Variants in ZNF157 observed in about 807,000 individuals in gnomAD.
The protein encoded by ZNF157 is zinc finger protein 157, also known as zinc finger protein 22.
Under a neutral mutation model 9.4 loss-of-function variants are expected in ZNF157, and 8 were observed. The observed-to-expected ratio is 0.85, with a 90% CI of 0.50 to 1.53. ZNF157 has a LOEUF of 1.53. Ranked by LOEUF, ZNF157 falls within the 40% of genes most tolerant of loss-of-function variation. The probability of loss-of-function intolerance (pLI) is 0.00; values close to 1 mark genes in which losing one functional copy is unlikely to be tolerated. For synonymous variants in ZNF157, 120 were observed against 130.8 expected, an observed-to-expected ratio of 0.92 and a Z score of 0.56; for missense variants, 316 against 385.2, an observed-to-expected ratio of 0.82 and a Z score of 1.50.
At chrX:47,407,699 C>CT (rs887091708) in intron 1 of ZNF157, among the ~76,000 whole-genome samples, 27 of 108,537 alleles carry the variant, frequency 2.5e-4, no homozygotes, top group East Asian at 1.7e-3. Context: ...TTCTTTTTTT[C>CT]TTTTTTTTTG....
Position 47,410,750 on chromosome X carries a change from G to C in ZNF157, c.270G>C (p.Glu90Asp). Reference sequence around the variant, plus strand: ...GAGAAGAGCTGTGGATATTAGAGGAGGAATCCTCAGGCCATGGTTACTCAG... The same window carrying C: ...GAGAAGAGCTGTGGATATTAGAGGACGAATCCTCAGGCCATGGTTACTCAG... ...ERGEELWILE[E>D]ESSGHGYSGS... Residue 90 changes from glutamate to aspartate, a missense_variant, in exon 3 of 4, where the codon GAG becomes GAC. By Grantham distance (45) the Glu-to-Asp change is conservative. Around this residue, in one of 3 missense-constraint regions of ZNF157, gnomAD observed 146 missense variants for 183.8 expected, o/e 0.79. Transcript: ENST00000377073. 8.3e-7 allele frequency: 1 copy of C among 1,205,356 alleles called. No individual in the cohort carries two copies. Among genetic ancestry groups the C allele is most frequent in the Non-Finnish European group, 1.1e-6 (1 of 892,256 alleles).
chrX:47,411,611 A>T (rs1482016521), intron 3 of ZNF157, among the ~76,000 whole-genome samples: 2 of 108,592 alleles, frequency 1.8e-5, no homozygotes, highest in Non-Finnish European at 3.8e-5. Context: ...CAAGTGATCC[A>T]CCTGCCATGG....
At chrX:47,378,276 G>T (rs1164939645) in intron 1 of ZNF157, among the ~76,000 whole-genome samples, 1 of 111,287 alleles carries the variant, frequency 9.0e-6, no homozygotes, top group South Asian at 3.8e-4. Context: ...CCAGTTTACG[G>T]ATCTGGGTGG....
chrX:47,373,937 T>C (rs6609485), intron 1 of ZNF157, among the ~76,000 whole-genome samples: 38,516 of 107,773 alleles, frequency 0.36, 5,550 homozygotes, highest in African/African-American at 0.49. Flanking sequence ...CTCAATCAAT[T>C]CTCTCTCCTT....
At chrX:47,398,846 A>G (rs1482841092) in intron 1 of ZNF157, among the ~76,000 whole-genome samples, 1 of 111,659 alleles carries the variant, frequency 9.0e-6, no homozygotes, top group African/African-American at 3.3e-5. Context: ...CATGCCCAGT[A>G]TTTTTAGTAG....
Position 47,397,318 on chromosome X carries a change from C to T in ZNF157, c.73-12958C>T, listed in dbSNP as rs192038804. Among the ~76,000 whole-genome samples the T allele has an allele frequency of 1.3e-3, 134 of 102,489 alleles. 1 individual carries two copies. Among genetic ancestry groups the T allele is most frequent in the African/African-American group, 4.4e-3 (124 of 27,965 alleles). 89.0% of individuals were successfully genotyped at this position (102,489 alleles called of 115,157 possible). A position where few individuals can be genotyped will look rare whatever the true frequency, so the allele number is the denominator to read the frequency against. On this transcript the variant is annotated intron_variant, in intron 1 of 3. Transcript: ENST00000377073. ...AGTGCAGTGATGTGATCTTAGCTAA[C>T]CACAACCTCCGCCTCCCAGGTTCAA...
At position 47,374,702 on chromosome X, in the gene ZNF157, CT is replaced by C. The variant is rs869212909; in HGVS notation, c.72+3984del. On this transcript the variant is annotated intron_variant, in intron 1 of 3. Coordinates refer to ENST00000377073, the MANE Select transcript of ZNF157 (RefSeq NM_003446.4). ...GGTGTGAGCCACCACGCCCAGCAAT[CT>C]TTTTTTTTTTTTTTTTTTTTTGTGA... Among the ~76,000 whole-genome samples, 59 of 56,673 alleles carry C rather than the reference CT, an allele frequency of 1.0e-3. 1 individual carries two copies. Among genetic ancestry groups the C allele is most frequent in the East Asian group, 5.8e-3 (11 of 1,901 alleles). The allele number at this position is 56,673 out of a possible 115,157, so 49.2% of individuals were successfully genotyped here.
chrX:47,406,944 A>G (rs1188580136), intron 1 of ZNF157, among the ~76,000 whole-genome samples: 1 of 112,264 alleles, frequency 8.9e-6, no homozygotes, highest in African/African-American at 3.2e-5. Flanking sequence ...TAGGGAAAGC[A>G]TTCAGTCTTT....
At chrX:47,372,418 C>T (rs1252721220) in intron 1 of ZNF157, among the ~76,000 whole-genome samples, 1 of 109,882 alleles carries the variant, frequency 9.1e-6, no homozygotes, top group African/African-American at 3.3e-5. Flanking sequence ...ACCCAGAGAG[C>T]GCATGAAGAC....
intron 3 of ZNF157, among the ~76,000 whole-genome samples, chrX:47,411,445 G>T (rs980711078): frequency 7.2e-5 from 8 of 110,633 alleles, no homozygotes; most frequent in African/African-American, 2.6e-4. Flanking sequence ...AACCTCACCT[G>T]CCCGGTTTAA....
intron 3 of ZNF157, among the ~76,000 whole-genome samples, chrX:47,411,709 G>T (rs1248916191): frequency 9.0e-6 from 1 of 110,831 alleles, no homozygotes; most frequent in Non-Finnish European, 1.9e-5. Flanking sequence ...GATGCTTTCT[G>T]TTATCAGGCA....
At position 47,413,104 on chromosome X, in the gene ZNF157, C is replaced by T. The variant is rs1247628225; in HGVS notation, c.1031C>T (p.Thr344Ile). 9.1e-6 allele frequency: 11 copies of T among 1,208,918 alleles called. No homozygotes were observed. Among genetic ancestry groups the T allele is most frequent in the African/African-American group, 1.8e-5 (1 of 57,077 alleles). ...GGGAAATTCTTCCGAATGAAGATGACTCTCAATAATCATCAAAGAACTCAC... is the reference window on the plus strand; with the variant it reads ...GGGAAATTCTTCCGAATGAAGATGATTCTCAATAATCATCAAAGAACTCAC... ...ECGKFFRMKMTLNNHQRTHTG... is the reference protein window; with the variant it reads ...ECGKFFRMKMILNNHQRTHTG... Residue 344 changes from threonine (T) to isoleucine (I), a missense_variant, in exon 4 of 4, where the codon ACT becomes ATT. Thr to Ile is a moderately conservative substitution (Grantham distance 89, BLOSUM62 -1). Around this residue, in one of 3 missense-constraint regions of ZNF157, gnomAD observed 167 missense variants for 183.6 expected, o/e 0.91. Coordinates refer to ENST00000377073, the MANE Select transcript of ZNF157 (RefSeq NM_003446.4).
In ZNF157 at chrX:47,392,666, C is replaced by T. The variant is rs1004343737; in HGVS notation, c.73-17610C>T. ...CATACCCAAAAGTCTTAATGCATTACGGCATCAGTTTCTGCCTGTGGATCT... is the reference window on the plus strand; with the variant it reads ...CATACCCAAAAGTCTTAATGCATTATGGCATCAGTTTCTGCCTGTGGATCT... On this transcript the variant is annotated intron_variant, in intron 1 of 3. Coordinates refer to ENST00000377073, the MANE Select transcript of ZNF157 (RefSeq NM_003446.4). Among the ~76,000 whole-genome samples the T allele has an allele frequency of 4.5e-5, 5 of 111,842 alleles. No individual in the cohort carries two copies. In the East Asian group the frequency reaches 8.4e-4, roughly 19 times the overall value.
intron 1 of ZNF157, among the ~76,000 whole-genome samples, chrX:47,404,391 C>T (rs2055940506): frequency 2.7e-5 from 3 of 109,557 alleles, no homozygotes; most frequent in Non-Finnish European, 5.7e-5. Context: ...TCTCAGACCC[C>T]TGACCTCAGG....
chrX:47,413,789 GT>G lies in ZNF157; in HGVS notation c.*201del. The G allele has an allele frequency of 1.6e-6, 1 of 644,828 alleles. No homozygotes were observed. 53.1% of individuals were successfully genotyped at this position (644,828 alleles called of 1,213,427 possible). On this transcript the variant is annotated 3_prime_UTR_variant, in exon 4 of 4. Coordinates refer to ENST00000377073, the MANE Select transcript of ZNF157 (RefSeq NM_003446.4). ...TCTTATCTGTTGATTGGCTATTTGG[GT>G]TTTTTCTTCTGTGCATTGACTGTTC...
chrX:47,409,915 C>T, intron 1 of ZNF157, among the ~76,000 whole-genome samples: 1 of 111,655 alleles, frequency 9.0e-6, no homozygotes, highest in Non-Finnish European at 1.9e-5. Flanking sequence ...TCCCAAAGTG[C>T]TGGGATTACA....
At chrX:47,372,999 A>C (rs940214356) in intron 1 of ZNF157, among the ~76,000 whole-genome samples, 3 of 108,143 alleles carry the variant, frequency 2.8e-5, no homozygotes, top group African/African-American at 1.0e-4. Flanking sequence ...CAGGAGTTCA[A>C]GACTAGCCTG....
chrX:47,393,655 G>T (rs1351625551), intron 1 of ZNF157, among the ~76,000 whole-genome samples: 1 of 109,624 alleles, frequency 9.1e-6, no homozygotes, highest in Non-Finnish European at 1.9e-5. Flanking sequence ...TAACCTCCTG[G>T]GCTCCAACCC....
intron 1 of ZNF157, among the ~76,000 whole-genome samples, chrX:47,380,872 GAGA>G (rs1223915522): frequency 2.0e-5 from 2 of 99,723 alleles, no homozygotes; most frequent in African/African-American, 7.4e-5. Flanking sequence ...GGAGGAGAAA[GAGA>G]AGGAGGAGCA....
Sources: allele counts gnomAD v4.1 joint callset (sites outside exome capture counted in the v4.1 genomes callset), GRCh38; gene constraint gnomAD v4.1.1; regional missense constraint gnomAD v4.1.1; transcripts MANE v1.5; gene names NCBI Gene and HGNC (gene_info 2026-07-23, HGNC 2026-07-21).